The following OR9Q1 variants were observed in gnomAD, a reference collection of about 807,000 sequenced individuals.
OR9Q1 encodes olfactory receptor family 9 subfamily Q member 1.
For synonymous variants in OR9Q1, 153 were observed against 148.6 expected, an observed-to-expected ratio of 1.03 and a Z score of -0.22; for missense variants, 374 against 378.8, an observed-to-expected ratio of 0.99 and a Z score of 0.11.
intron 2 of OR9Q1, among the ~76,000 whole-genome samples, chr11:58,062,813 C>T (rs527723370): frequency 1.6e-4 from 25 of 152,266 alleles, no homozygotes; most frequent in Admixed American, 1.4e-3. Context: ...AATTAGATGT[C>T]TTGAGGTTTG....
intron 2 of OR9Q1, among the ~76,000 whole-genome samples, chr11:58,072,203 T>C (rs1305437736): frequency 1.3e-5 from 2 of 152,208 alleles, no homozygotes; most frequent in Admixed American, 1.3e-4. Flanking sequence ...AAAACATCTA[T>C]AAAACAAAGA....
chr11:58,109,467 G>C (rs1271995701), intron 2 of OR9Q1: 6 of 463,582 alleles, frequency 1.3e-5, no homozygotes, highest in South Asian at 7.7e-5. Context: ...GGAAAGCAAG[G>C]TGGCTCAGGA....
chr11:58,125,239 G>GT (rs1658425043), intron 2 of OR9Q1: 2 of 85,246 alleles, frequency 2.3e-5, no homozygotes, highest in Non-Finnish European at 4.1e-5. Flanking sequence ...CTTACCCACC[G>GT]CCCCCCCCCC....
intron 2 of OR9Q1, among the ~76,000 whole-genome samples, chr11:58,064,246 G>A (rs1302723559): frequency 1.3e-5 from 2 of 152,156 alleles, no homozygotes; most frequent in African/African-American, 4.8e-5. Flanking sequence ...AAAGATAGCC[G>A]CAAACCAGCA....
intron 2 of OR9Q1, among the ~76,000 whole-genome samples, chr11:58,139,442 C>A (rs1854222296): frequency 6.6e-6 from 1 of 151,966 alleles, no homozygotes; most frequent in African/African-American, 2.4e-5. Context: ...GCTCCCCCCA[C>A]CCCACAACAG....
At chr11:58,177,154 T>G (rs940188485) in intron 2 of OR9Q1, among the ~76,000 whole-genome samples, 3 of 152,248 alleles carry the variant, frequency 2.0e-5, no homozygotes, top group African/African-American at 7.2e-5. Context: ...ACTACAACTC[T>G]GCCAAAGAAC....
chr11:58,091,362 T>A (rs1368042852), intron 2 of OR9Q1, among the ~76,000 whole-genome samples: 1 of 152,206 alleles, frequency 6.6e-6, no homozygotes, highest in Non-Finnish European at 1.5e-5. Flanking sequence ...CTCACTGGTC[T>A]CAAAGAACTT....
At chr11:58,168,000 T>C (rs1233630807) in intron 2 of OR9Q1, among the ~76,000 whole-genome samples, 2 of 152,210 alleles carry the variant, frequency 1.3e-5, no homozygotes, top group Non-Finnish European at 2.9e-5. Context: ...GGGAGGCTGT[T>C]GACTGAATTC....
chr11:58,027,797 C>T (rs1206410746), intron 1 of OR9Q1, among the ~76,000 whole-genome samples: 1 of 152,216 alleles, frequency 6.6e-6, no homozygotes, highest in African/African-American at 2.4e-5. Flanking sequence ...CTTCTTTACC[C>T]CTCCTTCAGC....
At chr11:58,170,192 G>C (rs1029660640) in intron 2 of OR9Q1, among the ~76,000 whole-genome samples, 1 of 152,074 alleles carries the variant, frequency 6.6e-6, no homozygotes, top group African/African-American at 2.4e-5. Context: ...AAAATGAGAC[G>C]AGGACTTGTA....
chr11:58,048,739 C>A (rs1248479902), intron 1 of OR9Q1, among the ~76,000 whole-genome samples: 1 of 139,976 alleles, frequency 7.1e-6, no homozygotes, highest in Non-Finnish European at 1.5e-5. Context: ...ATCAAATAGA[C>A]ACAATAAAAA....
chr11:58,042,140 A>T (rs1261842682), intron 1 of OR9Q1, among the ~76,000 whole-genome samples: 1 of 152,176 alleles, frequency 6.6e-6, no homozygotes. Context: ...ATATTAACAA[A>T]ACTTAACAGT....
chr11:58,170,061 T>C lies in OR9Q1; in HGVS notation c.-14-9370T>C, dbSNP rs553546497. On this transcript the variant is annotated intron_variant, in intron 2 of 2. Coordinates refer to ENST00000335397, the MANE Select transcript of OR9Q1 (RefSeq NM_001005212.4). ...ATCTTTGTCCCTCTGCTTAGAAGTC[T>C]CCATCAACCATGTTGGTATGTTGCT... Among the ~76,000 whole-genome samples, 279 of 152,290 alleles carry C rather than the reference T, an allele frequency of 1.8e-3. 1 individual carries two copies. The highest frequency in any genetic ancestry group is 6.3e-3 in the African/African-American group (264 of 41,578).
At chr11:58,099,749 A>AT in intron 2 of OR9Q1, among the ~76,000 whole-genome samples, 2 of 152,006 alleles carry the variant, frequency 1.3e-5, no homozygotes, top group African/African-American at 4.8e-5. Context: ...TTATCTGGGA[A>AT]TTTCCTTTCT....
At chr11:58,080,970 C>A (rs1434659342) in intron 2 of OR9Q1, among the ~76,000 whole-genome samples, 1 of 151,432 alleles carries the variant, frequency 6.6e-6, no homozygotes, top group Non-Finnish European at 1.5e-5. Context: ...CTCCCCTTGT[C>A]CCCCACCCCC....
At chr11:58,173,936 C>G (rs773432264) in intron 2 of OR9Q1, among the ~76,000 whole-genome samples, 1 of 152,126 alleles carries the variant, frequency 6.6e-6, no homozygotes, top group Non-Finnish European at 1.5e-5. Context: ...ATCATAAGAT[C>G]CTAGACTTTG....
At chr11:58,152,110 A>G (rs983425495) in intron 2 of OR9Q1, among the ~76,000 whole-genome samples, 9 of 152,302 alleles carry the variant, frequency 5.9e-5, no homozygotes, top group African/African-American at 1.9e-4. Context: ...ATTCTACTCA[A>G]TCTGTAACTG....
At chr11:58,084,138 G>A (rs1590579370) in intron 2 of OR9Q1, among the ~76,000 whole-genome samples, 1 of 151,656 alleles carries the variant, frequency 6.6e-6, no homozygotes, top group Non-Finnish European at 1.5e-5. Flanking sequence ...TTTCTTTCAG[G>A]AGTGTTTTGT....
chr11:58,056,639 A>G (rs916581995), intron 2 of OR9Q1, among the ~76,000 whole-genome samples: 1 of 152,226 alleles, frequency 6.6e-6, no homozygotes, highest in African/African-American at 2.4e-5. Flanking sequence ...AGCAGAGTTG[A>G]GTAGTTGTGA....
Sources: gnomAD v4.1 joint callset for allele counts (sites outside exome capture counted in the v4.1 genomes callset) on GRCh38, gnomAD v4.1.1 for gene constraint, MANE v1.5 for transcripts, NCBI Gene and HGNC (gene_info 2026-07-23, HGNC 2026-07-21) for gene names.